ANGPTL2: variants seen among roughly 807,000 people sequenced by gnomAD.
ANGPTL2 encodes the protein angiopoietin-related protein 2.
In ANGPTL2, 25 loss-of-function variants were observed where a neutral mutation model predicts 52.8. That is an observed-to-expected ratio of 0.47 (90% CI 0.35 to 0.66). The LOEUF is 0.66. ANGPTL2 is among the 30% of genes least tolerant of loss of function. ANGPTL2 has a pLI of 0.01. For missense variants in ANGPTL2, 546 were observed against 656.9 expected, an observed-to-expected ratio of 0.83 and a Z score of 1.84; for synonymous variants, 276 against 277.4, an observed-to-expected ratio of 1.00 and a Z score of 0.05.
intron 1 of ANGPTL2, among the ~76,000 whole-genome samples, chr9:127,112,077 T>C (rs1381414769): frequency 6.6e-6 from 1 of 152,226 alleles, no homozygotes; most frequent in Admixed American, 6.5e-5. Context: ...AGAGACCCTG[T>C]GCTCCCTGGG....
At chr9:127,117,136 C>T (rs1306326402) in intron 1 of ANGPTL2, among the ~76,000 whole-genome samples, 1 of 152,242 alleles carries the variant, frequency 6.6e-6, no homozygotes, top group East Asian at 1.9e-4. Context: ...CCTTCCCCCA[C>T]TGTCCTGGCT....
In ANGPTL2 at chr9:127,120,776, C is replaced by T. The variant is rs545184343; in HGVS notation, c.-50+1539G>A. ...CCAGCAGGCGGAGTTTGCAGTGAGC[C>T]GAGATCATGCCACTGCACTCCAGCC... is the stretch of plus-strand genomic sequence containing the variant. On this transcript the variant is annotated intron_variant, in intron 1 of 4. Coordinates refer to ENST00000373425, the MANE Select transcript of ANGPTL2 (RefSeq NM_012098.3). 5.3e-5 allele frequency among the ~76,000 whole-genome samples: 8 copies of T among 151,154 alleles called. No homozygotes were observed. In the South Asian group the frequency reaches 6.3e-4, roughly 12 times the overall value.
At chr9:127,109,836 A>G (rs1386310855) in intron 1 of ANGPTL2, among the ~76,000 whole-genome samples, 1 of 152,170 alleles carries the variant, frequency 6.6e-6, no homozygotes. Flanking sequence ...ATTGACCTAG[A>G]GGGTCAGGAA....
intron 2 of ANGPTL2, among the ~76,000 whole-genome samples, chr9:127,102,284 A>G (rs1469964892): frequency 6.7e-6 from 1 of 148,580 alleles, no homozygotes; most frequent in East Asian, 2.1e-4. Flanking sequence ...TGAGAAGTCC[A>G]GGAGCATGGT....
intron 2 of ANGPTL2, among the ~76,000 whole-genome samples, chr9:127,099,074 G>T (rs2053461722): frequency 6.6e-6 from 1 of 152,204 alleles, no homozygotes; most frequent in Admixed American, 6.5e-5. Context: ...GGTGTGGGGG[G>T]AGGAGCAGAG....
chr9:127,096,171 C>G (rs542919566), intron 2 of ANGPTL2, among the ~76,000 whole-genome samples: 119 of 152,326 alleles, frequency 7.8e-4, no homozygotes, highest in African/African-American at 2.8e-3. Context: ...CAGTATCCTT[C>G]CCAGGGAAGG....
chr9:127,122,031 G>A lies in ANGPTL2; in HGVS notation c.-50+284C>T, dbSNP rs575697593. On this transcript the variant is annotated intron_variant, in intron 1 of 4. Transcript: ENST00000373425. This position sits in a 1 kb window ranked among gnomAD's most constrained non-coding sequence, Gnocchi z 6.4. ...CTGCTCTGCCGTGCCGGGAGCTGCC[G>A]GCCGGCACCCCAAAGGCTCTTTGTC... Among the ~76,000 whole-genome samples the A allele has an allele frequency of 9.2e-4, 140 of 152,264 alleles. No homozygotes were observed. Among genetic ancestry groups the A allele is most frequent in the Non-Finnish European group, 1.4e-3 (96 of 68,026 alleles).
intron 2 of ANGPTL2, among the ~76,000 whole-genome samples, chr9:127,096,723 A>G (rs1209776186): frequency 1.3e-5 from 2 of 152,240 alleles, no homozygotes; most frequent in Admixed American, 1.3e-4. Flanking sequence ...AGAAAAATGC[A>G]CAGACTCACA....
At chr9:127,102,448 C>A (rs981857786) in intron 2 of ANGPTL2, among the ~76,000 whole-genome samples, 1 of 152,164 alleles carries the variant, frequency 6.6e-6, no homozygotes, top group South Asian at 2.1e-4. Context: ...GATGCCTGAT[C>A]TCTAGGGTTT....
chr9:127,120,512 G>A (rs1016359112), intron 1 of ANGPTL2, among the ~76,000 whole-genome samples: 1 of 152,218 alleles, frequency 6.6e-6, no homozygotes, highest in Non-Finnish European at 1.5e-5. Flanking sequence ...AGCAGGATAT[G>A]TCCAGAACAG....
chr9:127,088,799 G>T lies in ANGPTL2; in HGVS notation c.*140C>A. ...ATTCAGTTCCATCATCCGCTGCAGT[G>T]ACTTCGGAAAACAGAATCCAGCATC... On this transcript the variant is annotated 3_prime_UTR_variant, in exon 5 of 5. Transcript: ENST00000373425. 2.1e-6 allele frequency: 2 copies of T among 972,696 alleles called. No homozygotes were observed. The highest frequency in any genetic ancestry group is 3.1e-6 in the Non-Finnish European group (2 of 638,282). The allele number at this position is 972,696 out of a possible 1,614,324, so 60.3% of individuals were successfully genotyped here.
intron 1 of ANGPTL2, among the ~76,000 whole-genome samples, chr9:127,116,210 G>A (rs931623001): frequency 2.0e-5 from 3 of 152,252 alleles, no homozygotes; most frequent in Non-Finnish European, 1.5e-5. Flanking sequence ...CTGGGGGTTC[G>A]AATCTGCCTG....
intron 2 of ANGPTL2, among the ~76,000 whole-genome samples, chr9:127,105,747 G>C (rs2054157709): frequency 6.6e-6 from 1 of 152,180 alleles, no homozygotes; most frequent in South Asian, 2.1e-4. Context: ...TTAGGGACTA[G>C]AAATCATGGG....
At chr9:127,100,609 G>A (rs1282443316) in intron 2 of ANGPTL2, among the ~76,000 whole-genome samples, 1 of 152,188 alleles carries the variant, frequency 6.6e-6, no homozygotes, top group East Asian at 1.9e-4. Context: ...TCCTGGGTGA[G>A]GGAGGTCTCT....
intron 1 of ANGPTL2, among the ~76,000 whole-genome samples, chr9:127,109,252 G>A (rs1169868409): frequency 6.6e-6 from 1 of 152,274 alleles, no homozygotes; most frequent in South Asian, 2.1e-4. Flanking sequence ...ACCCATCACC[G>A]CTGTGCTGAA....
intron 1 of ANGPTL2, among the ~76,000 whole-genome samples, chr9:127,121,491 C>G (rs2056080820): frequency 6.6e-6 from 1 of 152,184 alleles, no homozygotes; most frequent in African/African-American, 2.4e-5. Flanking sequence ...CCTCTGGGAG[C>G]TCTCATAATC....
At chr9:127,107,824 C>G in intron 2 of ANGPTL2, 91 bp downstream of exon 2, 1 of 1,353,386 alleles carries the variant, frequency 7.4e-7, no homozygotes, top group Non-Finnish European at 1.0e-6. Flanking sequence ...CTTCAACTGG[C>G]CATGGCTTTT....
At chr9:127,107,383 A>G (rs2054321254) in intron 2 of ANGPTL2, among the ~76,000 whole-genome samples, 1 of 152,246 alleles carries the variant, frequency 6.6e-6, no homozygotes, top group South Asian at 2.1e-4. Context: ...ATCATTGAAA[A>G]TTCTAGACAG....
intron 1 of ANGPTL2, among the ~76,000 whole-genome samples, chr9:127,115,702 C>T (rs948863965): frequency 3.9e-5 from 6 of 152,202 alleles, no homozygotes; most frequent in Non-Finnish European, 8.8e-5. Context: ...TTGCATGTTA[C>T]TCACTGTTGA....
Sources: gnomAD v4.1 joint callset for allele counts (sites outside exome capture counted in the v4.1 genomes callset) on GRCh38, gnomAD v4.1.1 for gene constraint, Gnocchi (gnomAD v3.1) non-coding constraint, MANE v1.5 for transcripts, NCBI Gene and HGNC (gene_info 2026-07-23, HGNC 2026-07-21) for gene names.